Variants in EYA3 observed in about 807,000 individuals in gnomAD.
EYA3 encodes the protein protein phosphatase EYA3.
A neutral mutation model predicts 80.0 loss-of-function variants in EYA3; 39 were observed. That is an observed-to-expected ratio of 0.49 (90% CI 0.38 to 0.64). EYA3 has a LOEUF of 0.64. EYA3 is among the 30% of genes least tolerant of loss of function. The pLI, the probability that EYA3 is intolerant of heterozygous loss-of-function variation, is 0.00. For missense variants in EYA3, 523 were observed against 676.1 expected (o/e 0.77, Z 2.51); for synonymous variants, 206 against 232.8 (o/e 0.88, Z 1.05).
At chr1:28,028,586 T>TTC (rs1642928219) in intron 6 of EYA3, among the ~76,000 whole-genome samples, 1 of 151,682 alleles carries the variant, frequency 6.6e-6, no homozygotes, top group East Asian at 1.9e-4. Context: ...CTTCTTCTTT[T>TTC]TTTTTTTTTT....
chr1:28,046,514 A>T (rs1461731595), intron 3 of EYA3, among the ~76,000 whole-genome samples: 4 of 151,932 alleles, frequency 2.6e-5, no homozygotes, highest in African/African-American at 9.7e-5. Flanking sequence ...CAGGAAAGGG[A>T]GGGAAAAGGG....
intron 3 of EYA3, among the ~76,000 whole-genome samples, chr1:28,044,387 A>G (rs1462215315): frequency 1.3e-5 from 2 of 152,208 alleles, no homozygotes; most frequent in Non-Finnish European, 2.9e-5. Context: ...GGCTGTCAGG[A>G]GGACTAATAA....
chr1:28,015,963 T>C (rs1215550266), intron 8 of EYA3, among the ~76,000 whole-genome samples: 3 of 152,102 alleles, frequency 2.0e-5, no homozygotes, highest in Non-Finnish European at 2.9e-5. Flanking sequence ...ATGTTGAACT[T>C]AGGGAAACAG....
rs1370866478 is a variant in EYA3 at position 28,043,271 on chromosome 1, A to G, written c.78-621T>C. On this transcript the variant is annotated intron_variant, in intron 3 of 17. Coordinates refer to ENST00000373871, the MANE Select transcript of EYA3 (RefSeq NM_001990.4). Reference sequence around the variant, plus strand: ...AAACATTGCTCTGCCACTTTTTATTATATGTTTATGGGGTACAATGTGATG... The same window carrying G: ...AAACATTGCTCTGCCACTTTTTATTGTATGTTTATGGGGTACAATGTGATG... Among the ~76,000 whole-genome samples the G allele has an allele frequency of 2.0e-5, 3 of 149,482 alleles. No homozygotes were observed. The East Asian group carries it at 5.9e-4, about 29-fold the overall frequency.
intron 16 of EYA3, among the ~76,000 whole-genome samples, 161 bp from the exon 17 acceptor site, chr1:27,978,635 T>TAGACC (rs1445219436): frequency 6.6e-6 from 1 of 152,190 alleles, no homozygotes; most frequent in African/African-American, 2.4e-5. Context: ...AGAGATCCAG[T>TAGACC]AGACCCTCTG....
At chr1:28,017,112 G>T in intron 8 of EYA3, 42 bp downstream of exon 8, 1 of 1,513,442 alleles carries the variant, frequency 6.6e-7, no homozygotes, top group South Asian at 1.1e-5. Context: ...GAGCAAGCTG[G>T]ATGAACTCTA....
intron 1 of EYA3, among the ~76,000 whole-genome samples, chr1:28,088,132 T>C (rs1391768885): frequency 6.6e-6 from 1 of 152,098 alleles, no homozygotes; most frequent in East Asian, 1.9e-4. Context: ...AATGAGAAGC[T>C]GGGCCGTCTC....
intron 1 of EYA3, among the ~76,000 whole-genome samples, chr1:28,079,062 T>C (rs927724298): frequency 1.3e-5 from 2 of 152,234 alleles, no homozygotes; most frequent in African/African-American, 4.8e-5. Context: ...CTTTATCCTT[T>C]ACCATTCTCA....
intron 6 of EYA3, among the ~76,000 whole-genome samples, chr1:28,028,517 C>T (rs958664916): frequency 1.3e-5 from 2 of 151,156 alleles, no homozygotes; most frequent in Admixed American, 6.6e-5. Context: ...TATATAATCC[C>T]ATCATCCAGA....
At chr1:28,062,657 G>GGTGTGT (rs71027260) in intron 1 of EYA3, among the ~76,000 whole-genome samples, 9,382 of 141,556 alleles carry the variant, frequency 0.066, 417 homozygotes, top group East Asian at 0.16. Context: ...AATATATGTA[G>GGTGTGT]GTGTGTGTGT....
intron 3 of EYA3, among the ~76,000 whole-genome samples, chr1:28,046,191 G>T (rs747458161): frequency 2.0e-5 from 3 of 152,166 alleles, no homozygotes; most frequent in Non-Finnish European, 4.4e-5. Flanking sequence ...ATGGTTGCAA[G>T]ACAAAGTGAT....
chr1:28,047,639 CT>C lies in EYA3; in HGVS notation c.77+743del, dbSNP rs370957666. Among the ~76,000 whole-genome samples, 630 of 133,182 alleles carry C rather than the reference CT, an allele frequency of 4.7e-3. 2 individuals carry two copies. Among genetic ancestry groups the C allele is most frequent in the African/African-American group, 0.012 (430 of 36,070 alleles). 87.4% of individuals were successfully genotyped at this position (133,182 alleles called of 152,430 possible). On this transcript the variant is annotated intron_variant, in intron 3 of 17. Coordinates refer to ENST00000373871, the MANE Select transcript of EYA3 (RefSeq NM_001990.4). ...GGTGCAAACAAGCTGCCTCTTTTCT[CT>C]TTTTTTTTTTTTTTTTGAGACAGAG...
chr1:28,086,235 T>A (rs1398184736), intron 1 of EYA3, among the ~76,000 whole-genome samples: 12 of 151,906 alleles, frequency 7.9e-5, no homozygotes, highest in Admixed American at 5.2e-4. Context: ...TTTTTTTTTT[T>A]AAGAGAGTCT....
chr1:28,010,943 A>G lies in EYA3; in HGVS notation c.909+4T>C, dbSNP rs766211409. 1 of 1,609,242 alleles carries G rather than the reference A, an allele frequency of 6.2e-7. No individual in the cohort carries two copies. The highest frequency in any genetic ancestry group is 2.2e-5 in the East Asian group (1 of 44,858). On this transcript the variant is annotated splice_donor_region_variant and intron_variant, in intron 10 of 17. Coordinates refer to ENST00000373871, the MANE Select transcript of EYA3 (RefSeq NM_001990.4). ...TAGGTAACTAAATCAGTTTCTTCTC[A>G]TACTTCTAATTCACTGTCTTGGGAA... is the stretch of plus-strand genomic sequence containing the variant.
rs199595508 is a variant in EYA3, at chr1:28,063,305, A to ATT, written c.-68-5213_-68-5212dup. On this transcript the variant is annotated intron_variant, in intron 1 of 17. Transcript: ENST00000373871. ...TCCAAAGTGCCTTATATATATATATATTTTTTTTTATTTTTAATTTTTTTT... is the reference window on the plus strand; with the variant it reads ...TCCAAAGTGCCTTATATATATATATATTTTTTTTTTTATTTTTAATTTTTTTT... 1.1e-4 allele frequency among the ~76,000 whole-genome samples: 8 copies of ATT among 75,958 alleles called. No homozygotes were observed. In the East Asian group the frequency reaches 1.6e-3, roughly 15 times the overall value. 49.8% of individuals were successfully genotyped at this position (75,958 alleles called of 152,430 possible). A position where few individuals can be genotyped will look rare whatever the true frequency, so the allele number is the denominator to read the frequency against.
At chr1:28,064,129 T>C (rs1571932398) in intron 1 of EYA3, among the ~76,000 whole-genome samples, 1 of 152,216 alleles carries the variant, frequency 6.6e-6, no homozygotes, top group Non-Finnish European at 1.5e-5. Flanking sequence ...TTCTTAATTA[T>C]GCACTTTAAA....
chr1:27,996,244 C>T (rs1640449697), intron 13 of EYA3, among the ~76,000 whole-genome samples: 1 of 152,126 alleles, frequency 6.6e-6, no homozygotes, highest in Admixed American at 6.5e-5. Context: ...ATTATACAAA[C>T]TAGGAAGGAT....
At chr1:28,073,706 G>A (rs1190892409) in intron 1 of EYA3, among the ~76,000 whole-genome samples, 1 of 152,058 alleles carries the variant, frequency 6.6e-6, no homozygotes, top group Non-Finnish European at 1.5e-5. Flanking sequence ...AGAGTGCTAG[G>A]ATTACAGATG....
chr1:28,036,742 C>A (rs920229486), intron 5 of EYA3, among the ~76,000 whole-genome samples: 3 of 152,008 alleles, frequency 2.0e-5, no homozygotes, highest in Non-Finnish European at 4.4e-5. Flanking sequence ...TTTTTAGATA[C>A]CAATTATCTC....
Sources: allele counts gnomAD v4.1 joint callset (sites outside exome capture counted in the v4.1 genomes callset), GRCh38; gene constraint gnomAD v4.1.1; transcripts MANE v1.5; gene names NCBI Gene and HGNC (gene_info 2026-07-23, HGNC 2026-07-21).